FOCAD: variants seen among roughly 807,000 people sequenced by gnomAD.
FOCAD encodes the protein KIAA1797.
In FOCAD, 198 loss-of-function variants were observed where a neutral mutation model predicts 225.6. The ratio of observed to expected loss-of-function variants is 0.88; its 90% CI spans 0.78 to 0.99. FOCAD has a LOEUF of 0.99. Ranked by LOEUF, FOCAD falls within the 50% of genes least tolerant of loss-of-function variation. The pLI is 0.00. For synonymous variants in FOCAD, 897 were observed against 755.0 expected (o/e 1.19, Z -3.08); for missense variants, 2,713 against 2,123.6 (o/e 1.28, Z -5.46).
chr9:20,674,521 A>G (rs991279243), intron 2 of FOCAD, among the ~76,000 whole-genome samples: 4 of 152,222 alleles, frequency 2.6e-5, no homozygotes, highest in Non-Finnish European at 5.9e-5. Context: ...TTCTTGACAG[A>G]GAATGTAAGC....
chr9:20,898,451 A>G (rs1336651533), intron 21 of FOCAD, among the ~76,000 whole-genome samples: 1 of 151,510 alleles, frequency 6.6e-6, no homozygotes, highest in Non-Finnish European at 1.5e-5. Flanking sequence ...TTTTAGTTTT[A>G]GAGGTTTCCA....
upstream of FOCAD, among the ~76,000 whole-genome samples, chr9:20,658,136 C>G (rs1379600951): frequency 1.3e-5 from 2 of 151,436 alleles, no homozygotes; most frequent in Non-Finnish European, 2.9e-5. Flanking sequence ...TCTGCCCGTT[C>G]TCAGATCTCC....
chr9:20,844,798 TA>T (rs1826915075), intron 15 of FOCAD, among the ~76,000 whole-genome samples: 1 of 152,280 alleles, frequency 6.6e-6, no homozygotes, highest in Non-Finnish European at 1.5e-5. Context: ...ATTAGTGAGA[TA>T]TTTTCTAATT....
chr9:20,843,283 G>A (rs1826731086), intron 15 of FOCAD, among the ~76,000 whole-genome samples: 1 of 151,872 alleles, frequency 6.6e-6, no homozygotes, highest in Non-Finnish European at 1.5e-5. Context: ...ATTTCTTGTG[G>A]GACAGGTTTG....
chr9:20,770,167 A>T lies in FOCAD; in HGVS notation c.835A>T (p.Ser279Cys). Residue 279 changes from serine (S) to cysteine (C), a missense_variant, in exon 8 of 44, where the codon AGC (serine) becomes TGC (cysteine). Ser to Cys is a moderately radical substitution (Grantham distance 112). Transcript: ENST00000338382. Reference protein sequence around the residue: ...SLQLLCVSEVSLKITGECSSS... With the variant: ...SLQLLCVSEVCLKITGECSSS... ...TCAGCTGCTGTGTGTCAGTGAAGTC[A>T]GCTTAAAGATAACTGGTGAATGTTC... The T allele has an allele frequency of 6.2e-7, 1 of 1,614,122 alleles. No individual in the cohort carries two copies. Among genetic ancestry groups the T allele is most frequent in the South Asian group, 1.1e-5 (1 of 91,082 alleles).
chr9:20,854,512 T>C (rs942837324), intron 15 of FOCAD, among the ~76,000 whole-genome samples: 1 of 151,732 alleles, frequency 6.6e-6, no homozygotes, highest in Non-Finnish European at 1.5e-5. Flanking sequence ...GAGACCTGGA[T>C]TTCTGACTTT....
At chr9:20,938,252 A>G (rs1456826620) in intron 28 of FOCAD, among the ~76,000 whole-genome samples, 1 of 152,226 alleles carries the variant, frequency 6.6e-6, no homozygotes, top group African/African-American at 2.4e-5. Context: ...AGGTTTATAA[A>G]TCATGCTGCT....
intron 23 of FOCAD, among the ~76,000 whole-genome samples, 185 bp from the exon 24 acceptor site, chr9:20,916,708 G>A (rs569352302): frequency 6.6e-6 from 1 of 152,320 alleles, no homozygotes; most frequent in African/African-American, 2.4e-5. Context: ...CTTATGAACA[G>A]GAAGATGAAG....
chr9:20,879,319 A>T (rs1397720720), intron 19 of FOCAD, among the ~76,000 whole-genome samples: 1 of 152,136 alleles, frequency 6.6e-6, no homozygotes, highest in African/African-American at 2.4e-5. Context: ...GGATTTCAAC[A>T]TTTGGGATTT....
chr9:20,951,696 C>T (rs1837702356), intron 34 of FOCAD, among the ~76,000 whole-genome samples: 1 of 152,084 alleles, frequency 6.6e-6, no homozygotes, highest in South Asian at 2.1e-4. Context: ...TTTTCTATTT[C>T]TAGCTTTTTG....
chr9:20,952,300 G>C (rs1837757579), intron 34 of FOCAD: 1 of 152,204 alleles, frequency 6.6e-6, no homozygotes, highest in South Asian at 2.1e-4. Context: ...TGTGTATCTG[G>C]AAAAGTACAG....
At chr9:20,681,664 G>A (rs1045070674), upstream of FOCAD, among the ~76,000 whole-genome samples, 3 of 152,284 alleles carry the variant, frequency 2.0e-5, no homozygotes, top group African/African-American at 7.2e-5. Flanking sequence ...GCTCCATAAG[G>A]CTCTAGAATA....
rs142545136 is a variant in FOCAD, at chr9:20,916,903, A to G, written c.2818A>G (p.Met940Val). Residue 940 changes from methionine (M) to valine (V), a missense_variant, in exon 24 of 44, where the codon ATG becomes GTG. Physicochemically the swap from Met to Val is conservative, Grantham distance 21. Coordinates refer to ENST00000338382, the MANE Select transcript of FOCAD (RefSeq NM_001375567.1). ...KSTAWLWVRD[M>V]LTDEITKAAA... ...CCATCTTTATTGCAGGGTTAGAGAC[A>G]TGCTGACTGATGAGATCACCAAGGC... The G allele has an allele frequency of 6.2e-7, 1 of 1,606,408 alleles. No homozygotes were observed. The highest frequency in any genetic ancestry group is 8.5e-7 in the Non-Finnish European group (1 of 1,177,470).
rs1012029878 is a variant in FOCAD at position 20,958,905 on chromosome 9, G to C, written c.4132+5840G>C. On this transcript the variant is annotated intron_variant, in intron 35 of 43. Transcript: ENST00000338382. ...GAGGGCTTAATAGTATTCCATTGTG[G>C]ATATATACCAAATTTTAAAAATCCA... Among the ~76,000 whole-genome samples, 10 of 152,048 alleles carry C rather than the reference G, an allele frequency of 6.6e-5. 1 individual carries two copies. The highest frequency in any genetic ancestry group is 2.4e-4 in the African/African-American group (10 of 41,384).
At chr9:20,778,916 C>G (rs973612399) in intron 9 of FOCAD, 148 bp downstream of exon 9, 8 of 503,876 alleles carry the variant, frequency 1.6e-5, no homozygotes, top group Middle Eastern at 5.2e-4. Context: ...TTTTTCTTGT[C>G]TAATAAGTTG....
intron 11 of FOCAD, among the ~76,000 whole-genome samples, chr9:20,810,004 T>G (rs1228630026): frequency 2.6e-5 from 4 of 152,180 alleles, no homozygotes; most frequent in Non-Finnish European, 5.9e-5. Flanking sequence ...CTAACACGTT[T>G]AGTTATTCTC....
At chr9:20,888,145 T>C (rs1245298653) in intron 21 of FOCAD, among the ~76,000 whole-genome samples, 1 of 144,270 alleles carries the variant, frequency 6.9e-6, no homozygotes, top group Non-Finnish European at 1.5e-5. Flanking sequence ...TCTTCTTTTT[T>C]TTTTTTTTTT....
At chr9:20,663,264 T>G (rs1300999916) in intron 2 of FOCAD, among the ~76,000 whole-genome samples, 1 of 152,054 alleles carries the variant, frequency 6.6e-6, no homozygotes, top group African/African-American at 2.4e-5. Context: ...TGGTGGCACA[T>G]GTCTGTATTC....
intron 2 of FOCAD, among the ~76,000 whole-genome samples, chr9:20,674,709 A>G (rs949023999): frequency 6.6e-6 from 1 of 152,186 alleles, no homozygotes; most frequent in African/African-American, 2.4e-5. Flanking sequence ...GAGGACGATG[A>G]TGATTTTATT....
Sources: gnomAD v4.1 joint callset for allele counts (sites outside exome capture counted in the v4.1 genomes callset) on GRCh38, gnomAD v4.1.1 for gene constraint, MANE v1.5 for transcripts, NCBI Gene and HGNC (gene_info 2026-07-23, HGNC 2026-07-21) for gene names.